The following NRG3 variants were observed in gnomAD, a reference collection of about 807,000 sequenced individuals.
The protein encoded by NRG3 is neuregulin 3, also known as pro-neuregulin-3, membrane-bound isoform.
Under a neutral mutation model 66.9 loss-of-function variants are expected in NRG3, and 31 were observed. That is an observed-to-expected ratio of 0.46 (90% confidence interval 0.35 to 0.63). NRG3 has a LOEUF of 0.63. Ranked by LOEUF, NRG3 falls within the 20% of genes least tolerant of loss-of-function variation. The probability of loss-of-function intolerance (pLI) is 0.00; values close to 1 mark genes in which losing one functional copy is unlikely to be tolerated. For missense variants in NRG3, 910 were observed against 878.9 expected, an observed-to-expected ratio of 1.04 and a Z score of -0.45; for synonymous variants, 393 against 359.4, an observed-to-expected ratio of 1.09 and a Z score of -1.06.
At position 82,727,549 on chromosome 10, in the gene NRG3, C is replaced by T. The variant is rs189999042; in HGVS notation, c.954-11028C>T. Among the ~76,000 whole-genome samples the T allele has an allele frequency of 2.2e-4, 34 of 152,352 alleles. No individual in the cohort carries two copies. The East Asian group carries it at 3.5e-3, about 16-fold the overall frequency. On this transcript the variant is annotated intron_variant, in intron 2 of 8. Transcript: ENST00000372141. ...AGAATTGAGGTTTGGAAACCTCTGC[C>T]TAGATTTCAGAGGATGTATGCAAAT...
At chr10:82,494,605 G>A (rs1231541795) in intron 2 of NRG3, among the ~76,000 whole-genome samples, 2 of 152,030 alleles carry the variant, frequency 1.3e-5, no homozygotes, top group African/African-American at 4.8e-5. Flanking sequence ...ATGCAAAGAT[G>A]TATTACAAGA....
chr10:82,216,419 A>G (rs968761054), intron 1 of NRG3, among the ~76,000 whole-genome samples: 1 of 151,910 alleles, frequency 6.6e-6, no homozygotes, highest in African/African-American at 2.4e-5. Flanking sequence ...TCAATAGTTT[A>G]CAGACAAGAT....
intron 1 of NRG3, among the ~76,000 whole-genome samples, chr10:82,131,597 G>C (rs2068825139): frequency 1.3e-5 from 2 of 151,922 alleles, no homozygotes; most frequent in South Asian, 4.2e-4. Flanking sequence ...ATTATGATAG[G>C]TGTTCTATCA....
intron 2 of NRG3, among the ~76,000 whole-genome samples, chr10:82,567,799 T>C (rs568301507): frequency 9.9e-5 from 15 of 151,962 alleles, no homozygotes; most frequent in Non-Finnish European, 1.9e-4. Flanking sequence ...CCATTACAAA[T>C]GATTTTTTTC....
intron 1 of NRG3, among the ~76,000 whole-genome samples, chr10:82,044,873 A>G (rs1294644842): frequency 6.6e-6 from 1 of 151,944 alleles, no homozygotes; most frequent in Admixed American, 6.6e-5. Context: ...AATTTCATCC[A>G]TGTCCCTACA....
intron 2 of NRG3, among the ~76,000 whole-genome samples, chr10:82,654,143 C>T (rs2051660025): frequency 6.6e-6 from 1 of 152,108 alleles, no homozygotes; most frequent in Non-Finnish European, 1.5e-5. Flanking sequence ...GTGAATACAT[C>T]ATGGTGATAG....
At chr10:82,496,394 TC>T (rs961913831) in intron 2 of NRG3, among the ~76,000 whole-genome samples, 5 of 152,044 alleles carry the variant, frequency 3.3e-5, no homozygotes, top group Non-Finnish European at 7.4e-5. Flanking sequence ...TCTGGGGGAG[TC>T]AGCTTTTCTT....
At chr10:82,094,472 C>G (rs938908254) in intron 1 of NRG3, among the ~76,000 whole-genome samples, 1 of 152,182 alleles carries the variant, frequency 6.6e-6, no homozygotes, top group Non-Finnish European at 1.5e-5. Context: ...ACCTTTTGAT[C>G]TAGCAGTTCC....
intron 2 of NRG3, among the ~76,000 whole-genome samples, chr10:82,732,962 G>A (rs1464254204): frequency 1.3e-5 from 2 of 152,188 alleles, no homozygotes; most frequent in African/African-American, 2.4e-5. Context: ...ATTGGCAGGC[G>A]TGTATATTAC....
At chr10:82,063,491 T>A (rs938942529) in intron 1 of NRG3, among the ~76,000 whole-genome samples, 6 of 142,884 alleles carry the variant, frequency 4.2e-5, no homozygotes, top group African/African-American at 1.6e-4. Flanking sequence ...ATCAATATAT[T>A]TTTTAGAGGC....
At chr10:82,013,864 G>A (rs545916564) in intron 1 of NRG3, among the ~76,000 whole-genome samples, 7 of 151,786 alleles carry the variant, frequency 4.6e-5, no homozygotes, top group South Asian at 2.1e-4. Context: ...CAATTTATTC[G>A]TATTTTTTTT....
At chr10:82,326,943 G>T (rs1294434763) in intron 1 of NRG3, among the ~76,000 whole-genome samples, 1 of 152,174 alleles carries the variant, frequency 6.6e-6, no homozygotes, top group African/African-American at 2.4e-5. Flanking sequence ...AGGTGATCCA[G>T]AAAGACAGCT....
chr10:82,727,659 G>A (rs2134599138), intron 2 of NRG3, among the ~76,000 whole-genome samples: 1 of 152,348 alleles, frequency 6.6e-6, no homozygotes, highest in Admixed American at 6.5e-5. Context: ...GGGAAATGTG[G>A]GGTTGAGGCC....
intron 2 of NRG3, among the ~76,000 whole-genome samples, chr10:82,605,158 A>ATG (rs1172348244): frequency 1.3e-5 from 2 of 152,026 alleles, no homozygotes; most frequent in East Asian, 3.9e-4. Flanking sequence ...ATCATTAAGT[A>ATG]TGTTGTTAGC....
intron 4 of NRG3, among the ~76,000 whole-genome samples, chr10:82,890,183 A>C (rs1242671353): frequency 6.6e-6 from 1 of 151,270 alleles, no homozygotes; most frequent in Admixed American, 6.6e-5. Context: ...GAAAAAAAAT[A>C]AGTTGTTTTT....
chr10:82,860,634 T>C (rs1453514245), intron 3 of NRG3, among the ~76,000 whole-genome samples: 2 of 152,206 alleles, frequency 1.3e-5, no homozygotes, highest in African/African-American at 4.8e-5. Flanking sequence ...AAGTGCTCAG[T>C]AAATGTTACC....
At chr10:82,909,681 C>A (rs1405776622) in intron 4 of NRG3, among the ~76,000 whole-genome samples, 1 of 152,178 alleles carries the variant, frequency 6.6e-6, no homozygotes, top group Non-Finnish European at 1.5e-5. Context: ...ACGTTCATTA[C>A]TCACTGAAGT....
At chr10:82,677,715 G>A (rs1049804348) in intron 2 of NRG3, among the ~76,000 whole-genome samples, 1 of 152,148 alleles carries the variant, frequency 6.6e-6, no homozygotes, top group Non-Finnish European at 1.5e-5. Flanking sequence ...GGCAGAGTGA[G>A]AGACTGAGGC....
At chr10:82,214,594 C>G (rs1290111339) in intron 1 of NRG3, among the ~76,000 whole-genome samples, 1 of 152,086 alleles carries the variant, frequency 6.6e-6, no homozygotes, top group Admixed American at 6.5e-5. Flanking sequence ...TCCCAAGTAG[C>G]TAGGACTACA....
Sources: allele counts gnomAD v4.1 joint callset (sites outside exome capture counted in the v4.1 genomes callset), GRCh38; gene constraint gnomAD v4.1.1; transcripts MANE v1.5; gene names NCBI Gene and HGNC (gene_info 2026-07-23, HGNC 2026-07-21).